The following RFX3 variants were observed in gnomAD, a reference collection of about 807,000 sequenced individuals.
RFX3 encodes regulatory factor X3.
Under a neutral mutation model 98.6 loss-of-function variants are expected in RFX3, and 14 were observed. That is an observed-to-expected ratio of 0.14 (90% confidence interval 0.09 to 0.22). The LOEUF is 0.22. RFX3 is among the 10% of genes least tolerant of loss of function. RFX3 has a pLI of 1.00. For missense variants in RFX3, 639 were observed against 926.9 expected (o/e 0.69, Z 4.03); for synonymous variants, 383 against 328.4 (o/e 1.17, Z -1.80).
At chr9:3,429,608 C>G (rs146544448) in intron 1 of RFX3, among the ~76,000 whole-genome samples, 1,618 of 152,180 alleles carry the variant, frequency 0.011, 26 homozygotes, top group African/African-American at 0.037. Flanking sequence ...CCTGGAGGTG[C>G]TAATCTCATC....
At chr9:3,364,610 T>G (rs1410185814) in intron 2 of RFX3, 1 of 164,642 alleles carries the variant, frequency 6.1e-6, no homozygotes, top group East Asian at 1.9e-4. Context: ...GATTGACCAA[T>G]CAAAATGTTA....
chr9:3,265,855 T>G lies in RFX3; in HGVS notation c.1455+353A>C, dbSNP rs142594065. Among the ~76,000 whole-genome samples the G allele has an allele frequency of 2.0e-3, 306 of 152,206 alleles. 2 individuals are homozygous for G. Among genetic ancestry groups the G allele is most frequent in the African/African-American group, 7.0e-3 (290 of 41,556 alleles). On this transcript the variant is annotated intron_variant, in intron 12 of 16. Transcript: ENST00000617270. Reference sequence around the variant, plus strand: ...AAAATTCCTTCAAATGAAAACTATTTGAACATTCTAGGCTATTATTTTAAT... The same window carrying G: ...AAAATTCCTTCAAATGAAAACTATTGGAACATTCTAGGCTATTATTTTAAT...
intron 2 of RFX3, among the ~76,000 whole-genome samples, chr9:3,386,179 G>T (rs1839697404): frequency 6.6e-6 from 1 of 152,128 alleles, no homozygotes; most frequent in African/African-American, 2.4e-5. Flanking sequence ...AATAGCTACA[G>T]AGGATAAGTT....
chr9:3,261,153 T>C (rs1297984702), intron 13 of RFX3, among the ~76,000 whole-genome samples: 13 of 152,086 alleles, frequency 8.5e-5, no homozygotes. Flanking sequence ...GTAATTCACA[T>C]ATTATACAAT....
chr9:3,386,613 A>T (rs1051630986), intron 2 of RFX3, among the ~76,000 whole-genome samples: 2 of 152,184 alleles, frequency 1.3e-5, no homozygotes, highest in Middle Eastern at 3.2e-3. Flanking sequence ...AAGAAATACA[A>T]GAGGAAGCCC....
chr9:3,330,219 T>C, intron 4 of RFX3, 40 bp downstream of exon 4: 1 of 1,606,586 alleles, frequency 6.2e-7, no homozygotes, highest in East Asian at 2.2e-5. Flanking sequence ...TTAGAGACTA[T>C]TAAAAGCTAA....
intron 1 of RFX3, among the ~76,000 whole-genome samples, chr9:3,483,577 G>A (rs1191449867): frequency 6.6e-6 from 1 of 151,622 alleles, no homozygotes; most frequent in East Asian, 1.9e-4. Flanking sequence ...TATACTTAGG[G>A]GAACTCTATA....
chr9:3,449,667 C>T (rs1846389820), intron 1 of RFX3, among the ~76,000 whole-genome samples: 1 of 152,226 alleles, frequency 6.6e-6, no homozygotes, highest in Non-Finnish European at 1.5e-5. Flanking sequence ...GCCTGGGCAA[C>T]ATGGCAAGAC....
intron 5 of RFX3, among the ~76,000 whole-genome samples, chr9:3,296,461 T>C (rs1032758465): frequency 4.6e-5 from 7 of 152,100 alleles, no homozygotes; most frequent in African/African-American, 1.7e-4. Flanking sequence ...GTTCTTCTTA[T>C]ATAGTTTATA....
intron 1 of RFX3, among the ~76,000 whole-genome samples, chr9:3,396,271 A>G (rs1481120882): frequency 6.6e-6 from 1 of 151,502 alleles, no homozygotes; most frequent in Non-Finnish European, 1.5e-5. Flanking sequence ...ATTCCCACCT[A>G]TGAGTGAGAA....
intron 1 of RFX3, among the ~76,000 whole-genome samples, chr9:3,471,101 G>T (rs1314498432): frequency 6.6e-6 from 1 of 152,044 alleles, no homozygotes; most frequent in Non-Finnish European, 1.5e-5. Context: ...AAAAGATTGT[G>T]GTGCTTTGGC....
intron 1 of RFX3, among the ~76,000 whole-genome samples, chr9:3,497,553 T>C (rs1851202065): frequency 6.6e-6 from 1 of 151,910 alleles, no homozygotes; most frequent in Non-Finnish European, 1.5e-5. Flanking sequence ...TCTCTCGAAC[T>C]AGGATGCCTC....
At chr9:3,321,268 A>T (rs954924681) in intron 4 of RFX3, among the ~76,000 whole-genome samples, 1 of 152,180 alleles carries the variant, frequency 6.6e-6, no homozygotes, top group Non-Finnish European at 1.5e-5. Flanking sequence ...TTTCATATAC[A>T]TAACAGTATT....
chr9:3,254,349 A>G (rs1586754220), intron 14 of RFX3, among the ~76,000 whole-genome samples: 2 of 151,990 alleles, frequency 1.3e-5, no homozygotes, highest in East Asian at 3.9e-4. Context: ...AGTAGGAAGA[A>G]AAAAAGCACC....
intron 1 of RFX3, among the ~76,000 whole-genome samples, chr9:3,518,440 G>A (rs897720876): frequency 1.3e-5 from 2 of 152,094 alleles, no homozygotes; most frequent in Admixed American, 6.6e-5. Flanking sequence ...ACACTTAACG[G>A]GAGTGGGGAG....
At position 3,255,076 on chromosome 9, in the gene RFX3, C is replaced by T. The variant is rs1586757252; in HGVS notation, c.1814+1915G>A. On this transcript the variant is annotated intron_variant, in intron 14 of 16. Coordinates refer to ENST00000617270, the MANE Select transcript of RFX3 (RefSeq NM_001282116.2). Reference sequence around the variant, plus strand: ...ATTGCATTTGACCCTGGGCTAGACACTAGACAGCTATTTTCAGGACGTAAG... The same window carrying T: ...ATTGCATTTGACCCTGGGCTAGACATTAGACAGCTATTTTCAGGACGTAAG... Among the ~76,000 whole-genome samples the T allele has an allele frequency of 1.3e-5, 2 of 152,180 alleles. 1 individual carries two copies. The highest frequency in any genetic ancestry group is 4.1e-4 in the South Asian group (2 of 4,834).
At chr9:3,287,968 G>A (rs1015356205) in intron 7 of RFX3, among the ~76,000 whole-genome samples, 163 bp downstream of exon 7, 4 of 151,974 alleles carry the variant, frequency 2.6e-5, no homozygotes, top group Non-Finnish European at 4.4e-5. Context: ...GAAAACAGGC[G>A]AGATCACTGA....
At chr9:3,225,378 A>C in intron 16 of RFX3, 98 bp from the exon 17 acceptor site, 1 of 1,506,542 alleles carries the variant, frequency 6.6e-7, no homozygotes, top group African/African-American at 1.4e-5. Flanking sequence ...GACATTACGA[A>C]AGCAACAGCT....
intron 1 of RFX3, among the ~76,000 whole-genome samples, chr9:3,425,467 A>T (rs970096616): frequency 6.6e-6 from 1 of 152,200 alleles, no homozygotes; most frequent in African/African-American, 2.4e-5. Flanking sequence ...AAACCTTATG[A>T]TTCAACATTT....
Sources: allele counts gnomAD v4.1 joint callset (sites outside exome capture counted in the v4.1 genomes callset), GRCh38; gene constraint gnomAD v4.1.1; transcripts MANE v1.5; gene names NCBI Gene and HGNC (gene_info 2026-07-23, HGNC 2026-07-21).